The following KIF5A variants were observed in gnomAD, a reference collection of about 807,000 sequenced individuals.
KIF5A encodes the protein kinesin heavy chain isoform 5A.
Under a neutral mutation model 141.3 loss-of-function variants are expected in KIF5A, and 35 were observed. The observed-to-expected ratio is 0.25, with a 90% confidence interval of 0.19 to 0.33. The LOEUF is 0.33. Ranked by LOEUF, KIF5A falls within the 10% of genes least tolerant of loss-of-function variation. The pLI, the probability that KIF5A is intolerant of heterozygous loss-of-function variation, is 1.00. For missense variants in KIF5A, 861 were observed against 1,314.3 expected (o/e 0.66, Z 5.33); for synonymous variants, 448 against 500.2 (o/e 0.90, Z 1.39).
rs986011083 is a variant in KIF5A at position 57,584,873 on chromosome 12, T to C, written c.*692T>C. ...TCCTGTTTTCCCCTGGACTGAGAAA[T>C]GGGTTGCTCAAGGGACCATTTCCCT... On this transcript the variant is annotated 3_prime_UTR_variant, in exon 29 of 29. Coordinates refer to ENST00000455537, the MANE Select transcript of KIF5A (RefSeq NM_004984.4). 2 of 152,238 alleles carry C rather than the reference T, an allele frequency of 1.3e-5. No homozygotes were observed. Among genetic ancestry groups the C allele is most frequent in the Non-Finnish European group, 2.9e-5 (2 of 68,052 alleles). The allele number at this position is 152,238 out of a possible 1,614,324, so 9.4% of individuals were successfully genotyped here. A position where few individuals can be genotyped will look rare whatever the true frequency, so the allele number is the denominator to read the frequency against.
Position 57,575,132 on chromosome 12 carries a change from C to T in KIF5A, c.1765C>T (p.Leu589Phe). Residue 589 changes from leucine to phenylalanine, a missense_variant, in exon 16 of 29, where the codon CTC becomes TTC. Leu to Phe is a conservative substitution (Grantham distance 22). Transcript: ENST00000455537. ...CGAGGAGGAGTTCACTGTGGCCCGA[C>T]TCTACATCAGCAAAATCAAATCAGA... is the stretch of plus-strand genomic sequence containing the variant. The part of the protein sequence containing the change: ...AIEEEFTVAR[L>F]YISKIKSEVK... 2 of 1,614,062 alleles carry T rather than the reference C, an allele frequency of 1.2e-6. No homozygotes were observed. Among genetic ancestry groups the T allele is most frequent in the Non-Finnish European group, 1.7e-6 (2 of 1,180,010 alleles).
rs550880315 is a variant in KIF5A at position 57,557,736 on chromosome 12, C to T, written c.130-5703C>T. Reference sequence around the variant, plus strand: ...GTTTTTTTTTTGAGATGGAGTCAGGCTGGAGTGTGCAGTGGTGTGATCTTG... The same window carrying T: ...GTTTTTTTTTTGAGATGGAGTCAGGTTGGAGTGTGCAGTGGTGTGATCTTG... On this transcript the variant is annotated intron_variant, in intron 1 of 28. Transcript: ENST00000455537. 2.6e-5 allele frequency among the ~76,000 whole-genome samples: 4 copies of T among 151,686 alleles called. No homozygotes were observed. The South Asian group carries it at 8.3e-4, about 32-fold the overall frequency.
intron 3 of KIF5A, 122 bp from the exon 4 acceptor site, chr12:57,563,986 A>G: frequency 1.3e-6 from 1 of 761,620 alleles, no homozygotes; most frequent in Non-Finnish European, 2.3e-6. Flanking sequence ...CATGGTGGTG[A>G]CCATCTCCTA....
At chr12:57,562,583 T>C (rs997247715) in intron 1 of KIF5A, among the ~76,000 whole-genome samples, 2 of 152,230 alleles carry the variant, frequency 1.3e-5, no homozygotes, top group African/African-American at 4.8e-5. Flanking sequence ...ATTTCATATA[T>C]TCCTTTCACA....
At chr12:57,582,499 C>A in intron 26 of KIF5A, 103 bp from the exon 27 acceptor site, 1 of 890,948 alleles carries the variant, frequency 1.1e-6, no homozygotes, top group Non-Finnish European at 1.9e-6. Flanking sequence ...TTATCTTTTT[C>A]TCTAAGGGAT....
chr12:57,571,434 C>A lies in KIF5A; in HGVS notation c.1362+45C>A, dbSNP rs775867271. 19 of 1,603,210 alleles carry A rather than the reference C, an allele frequency of 1.2e-5. 1 individual carries two copies. The Middle Eastern group carries it at 6.7e-4, about 56-fold the overall frequency. ...GACATGAGAGGAAAGGGGTTCTGTT[C>A]ATCACTGGAAGGCATGGAATAGACC... On this transcript the variant is annotated intron_variant, in intron 13 of 28. Coordinates refer to ENST00000455537, the MANE Select transcript of KIF5A (RefSeq NM_004984.4).
In KIF5A at chr12:57,572,073, A is replaced by G; in HGVS notation, c.1375A>G (p.Thr459Ala). Reference protein sequence around the residue: ...MLDQEELLVSTRGDNEKVQRE... With the variant: ...MLDQEELLVSARGDNEKVQRE... ...CTCTCCCTTGAAGCTGCTGGTGTCC[A>G]CCCGAGGAGACAACGAGAAGGTCCA... Residue 459 changes from threonine (T) to alanine (A), a missense_variant, in exon 14 of 29, where the codon ACC becomes GCC. Transcript: ENST00000455537. The surrounding 1 kb of genome is among the most constrained non-coding windows in gnomAD (Gnocchi z 4.2). 1 of 1,613,266 alleles carries G rather than the reference A, an allele frequency of 6.2e-7. No individual in the cohort carries two copies. Among genetic ancestry groups the G allele is most frequent in the African/African-American group, 1.3e-5 (1 of 74,986 alleles).
rs1252859027 is a variant in KIF5A at position 57,581,420 on chromosome 12, C to A, written c.2761C>A (p.Pro921Thr). ...KRGHSAQIAK[P>T]VRPGHYPASS... ...GTTTTCTTTCTTTATTGCAGCCAAACCCGTCCGGCCTGGCCACTACCCAGC... is the reference window on the plus strand; with the variant it reads ...GTTTTCTTTCTTTATTGCAGCCAAAACCGTCCGGCCTGGCCACTACCCAGC... The change falls in exon 25 of 29, where the codon CCC (proline) becomes ACC (threonine). Residue 921 changes from proline (P) to threonine (T), a missense_variant. By Grantham distance (38) the Pro-to-Thr change is conservative (BLOSUM62 -1). Transcript: ENST00000455537. 1.2e-6 allele frequency: 2 copies of A among 1,613,920 alleles called. No homozygotes were observed. The highest frequency in any genetic ancestry group is 2.2e-5 in the South Asian group (2 of 91,082).
chr12:57,572,778 G>C lies in KIF5A; in HGVS notation c.1716+52G>C, dbSNP rs756975945. 1.9e-6 allele frequency: 3 copies of C among 1,605,670 alleles called. No individual in the cohort carries two copies. The highest frequency in any genetic ancestry group is 2.6e-6 in the Non-Finnish European group (3 of 1,172,434). ...TTCAGGCTGGGCACTAGTGGAAGACGCAAGATGAGCCATCCAGGCCTTCAC... is the reference window on the plus strand; with the variant it reads ...TTCAGGCTGGGCACTAGTGGAAGACCCAAGATGAGCCATCCAGGCCTTCAC... On this transcript the variant is annotated intron_variant, in intron 15 of 28. Coordinates refer to ENST00000455537, the MANE Select transcript of KIF5A (RefSeq NM_004984.4). The surrounding 1 kb of genome is among the most constrained non-coding windows in gnomAD (Gnocchi z 4.2).
intron 15 of KIF5A, 105 bp from the exon 16 acceptor site, chr12:57,574,979 G>A (rs1882376055): frequency 1.0e-6 from 1 of 971,480 alleles, no homozygotes; most frequent in Admixed American, 1.9e-5. Context: ...CATCCCATTT[G>A]AGTCCCTGCG....
intron 1 of KIF5A, among the ~76,000 whole-genome samples, chr12:57,556,595 C>T (rs1021390918): frequency 1.3e-5 from 2 of 149,768 alleles, no homozygotes; most frequent in African/African-American, 2.5e-5. Context: ...CATTTTAATG[C>T]GTCTGTGGAG....
chr12:57,578,156 C>T (rs1882484509), intron 22 of KIF5A, 76 bp downstream of exon 22: 2 of 1,579,386 alleles, frequency 1.3e-6, no homozygotes, highest in East Asian at 2.2e-5. Context: ...CCCTGTTGCC[C>T]CTATGGGGCT....
intron 23 of KIF5A, among the ~76,000 whole-genome samples, chr12:57,580,182 C>G (rs1016228163): frequency 6.6e-6 from 1 of 152,152 alleles, no homozygotes; most frequent in Non-Finnish European, 1.5e-5. Context: ...CGCTGTCTTC[C>G]AAGGCCCTGC....
At chr12:57,559,536 A>G (rs1000697919) in intron 1 of KIF5A, among the ~76,000 whole-genome samples, 6 of 152,210 alleles carry the variant, frequency 3.9e-5, no homozygotes, top group Admixed American at 3.3e-4. Context: ...GTTATAATTT[A>G]TGATAGTGAT....
chr12:57,564,287 C>G (rs1046743369), intron 4 of KIF5A, 75 bp downstream of exon 4: 1 of 1,181,842 alleles, frequency 8.5e-7, no homozygotes, highest in Non-Finnish European at 1.3e-6. Context: ...CACTGAAGAG[C>G]CTGGGCTCCC....
At chr12:57,554,228 C>T (rs1333148403) in intron 1 of KIF5A, among the ~76,000 whole-genome samples, 1 of 152,204 alleles carries the variant, frequency 6.6e-6, no homozygotes, top group Non-Finnish European at 1.5e-5. Context: ...TACCATTTCT[C>T]AGCCATGTGA....
At chr12:57,561,012 TAGAG>T (rs1452120125) in intron 1 of KIF5A, among the ~76,000 whole-genome samples, 1 of 151,688 alleles carries the variant, frequency 6.6e-6, no homozygotes, top group Admixed American at 6.6e-5. Context: ...GAAAAGAAAA[TAGAG>T]AGATTTTTTG....
At chr12:57,577,430 A>G (rs1882461465) in intron 20 of KIF5A, among the ~76,000 whole-genome samples, 2 of 152,108 alleles carry the variant, frequency 1.3e-5, no homozygotes, top group South Asian at 4.1e-4. Context: ...CCCTGTCTCT[A>G]CTAAAAATAC....
intron 1 of KIF5A, among the ~76,000 whole-genome samples, chr12:57,554,314 C>T (rs958328135): frequency 2.6e-5 from 4 of 152,116 alleles, no homozygotes; most frequent in Non-Finnish European, 5.9e-5. Flanking sequence ...TATCTATGTC[C>T]TAGGATTACT....
Sources: allele counts gnomAD v4.1 joint callset (sites outside exome capture counted in the v4.1 genomes callset), GRCh38; gene constraint gnomAD v4.1.1; non-coding constraint Gnocchi (gnomAD v3.1); transcripts MANE v1.5; gene names NCBI Gene and HGNC (gene_info 2026-07-23, HGNC 2026-07-21).